SNRPD3: variants seen among roughly 807,000 people sequenced by gnomAD.
SNRPD3 encodes the protein small nuclear ribonucleoprotein Sm D3.
For missense variants in SNRPD3, 73 were observed against 167.5 expected, an observed-to-expected ratio of 0.44 and a Z score of 3.11; for synonymous variants, 66 against 58.4, an observed-to-expected ratio of 1.13 and a Z score of -0.59.
chr22:24,557,557 T>G lies in SNRPD3; in HGVS notation c.-18-100T>G, dbSNP rs1408359762. ...GAAAATGCAGCTTTGGTGTTTTTGC[T>G]AAGTTTTATGGAGTGCCAGGCCTTA... On this transcript the variant is annotated intron_variant, in intron 1 of 3. Transcript: ENST00000215829. 4 of 800,422 alleles carry G rather than the reference T, an allele frequency of 5.0e-6. No individual in the cohort carries two copies. The East Asian group carries it at 1.2e-4, about 24-fold the overall frequency. 49.6% of individuals were successfully genotyped at this position (800,422 alleles called of 1,614,324 possible).
At chr22:24,567,517 C>T (rs1053662727) in intron 2 of SNRPD3, among the ~76,000 whole-genome samples, 5 of 152,144 alleles carry the variant, frequency 3.3e-5, no homozygotes, top group African/African-American at 7.2e-5. Context: ...GAGGCTGAAG[C>T]GGGCAGATCA....
chr22:24,565,329 G>A (rs1569026234), intron 2 of SNRPD3, among the ~76,000 whole-genome samples: 1 of 152,146 alleles, frequency 6.6e-6, no homozygotes, highest in African/African-American at 2.4e-5. Flanking sequence ...GGTTTCTGGG[G>A]ACAGATCTGC....
At chr22:24,566,170 G>A (rs2045195013) in intron 2 of SNRPD3, among the ~76,000 whole-genome samples, 1 of 152,170 alleles carries the variant, frequency 6.6e-6, no homozygotes, top group South Asian at 2.1e-4. Context: ...AGAAACTGGA[G>A]CCCTGTTGCC....
chr22:24,565,240 A>G (rs2045185994), intron 2 of SNRPD3, among the ~76,000 whole-genome samples: 1 of 152,076 alleles, frequency 6.6e-6, no homozygotes, highest in Non-Finnish European at 1.5e-5. Context: ...TGTGAGTTAG[A>G]AAGAACTGGG....
rs2045265517 is a variant in SNRPD3 at position 24,573,444 on chromosome 22, A to G, written c.*1467A>G. On this transcript the variant is annotated 3_prime_UTR_variant, in exon 4 of 4. Transcript: ENST00000215829. ...AGTAATGAAAGAGGAGGGGAAAAAA[A>G]TCCAGCACATTAGTTAACCTGGCAT... 6.6e-6 allele frequency among the ~76,000 whole-genome samples: 1 copy of G among 152,240 alleles called. No individual in the cohort carries two copies. Among genetic ancestry groups the G allele is most frequent in the East Asian group, 1.9e-4 (1 of 5,204 alleles).
At chr22:24,555,998 C>T (rs2045054782), upstream of SNRPD3, 2 of 673,148 alleles carry the variant, frequency 3.0e-6, no homozygotes, top group South Asian at 1.9e-5. Context: ...TTAGGCCCGC[C>T]ATTCGCTTGA....
intron 2 of SNRPD3, chr22:24,558,214 A>G (rs944614900): frequency 2.6e-5 from 4 of 154,996 alleles, no homozygotes; most frequent in African/African-American, 9.7e-5. Context: ...TCATTTGATT[A>G]TTGCAACTAC....
chr22:24,566,357 G>A (rs1346904082), intron 2 of SNRPD3, among the ~76,000 whole-genome samples: 3 of 152,018 alleles, frequency 2.0e-5, no homozygotes, highest in African/African-American at 7.2e-5. Flanking sequence ...CTGCAGCCTC[G>A]ACCTCCCAGA....
At chr22:24,559,347 C>T (rs895059726) in intron 2 of SNRPD3, among the ~76,000 whole-genome samples, 1 of 152,150 alleles carries the variant, frequency 6.6e-6, no homozygotes, top group Non-Finnish European at 1.5e-5. Context: ...TATCATCTCT[C>T]ATATATCCAG....
intron 2 of SNRPD3, among the ~76,000 whole-genome samples, chr22:24,563,673 A>G (rs1042911301): frequency 3.9e-5 from 6 of 152,226 alleles, no homozygotes; most frequent in African/African-American, 1.4e-4. Context: ...CTTAATTCTT[A>G]GAAGTTTTGG....
intron 2 of SNRPD3, among the ~76,000 whole-genome samples, chr22:24,561,275 T>C (rs1377867897): frequency 1.3e-5 from 2 of 151,900 alleles, no homozygotes; most frequent in African/African-American, 2.4e-5. Flanking sequence ...AGTCTTGATA[T>C]GTTTTTCAGG....
At chr22:24,555,670 C>G, upstream of SNRPD3, 1 of 1,550,674 alleles carries the variant, frequency 6.4e-7, no homozygotes. Flanking sequence ...GGCCCTTGGC[C>G]CAACCTCCTG....
At chr22:24,567,930 C>A in intron 2 of SNRPD3, 54 bp from the exon 3 acceptor site, 2 of 1,426,954 alleles carry the variant, frequency 1.4e-6, no homozygotes, top group Non-Finnish European at 1.9e-6. Context: ...TCAAGGCCCT[C>A]CCCACCGCTG....
chr22:24,555,930 G>A (rs920067862), upstream of SNRPD3: 7 of 1,221,910 alleles, frequency 5.7e-6, no homozygotes, highest in East Asian at 2.6e-5. Context: ...CAACACTGGG[G>A]AAAGGAAGGA....
At chr22:24,557,313 C>T (rs2045084616) in intron 1 of SNRPD3, among the ~76,000 whole-genome samples, 1 of 152,188 alleles carries the variant, frequency 6.6e-6, no homozygotes, top group East Asian at 1.9e-4. Flanking sequence ...ACATTCCAGT[C>T]CCCCTCCCCT....
chr22:24,567,998 A>G lies in SNRPD3; in HGVS notation c.141A>G (p.Thr47=). The G allele has an allele frequency of 1.3e-6, 2 of 1,597,348 alleles. No individual in the cohort carries two copies. Among genetic ancestry groups the G allele is most frequent in the Non-Finnish European group, 1.7e-6 (2 of 1,171,320 alleles). Residue 47 remains threonine, a synonymous_variant, in exon 3 of 4, where the codon ACA becomes ACG. Coordinates refer to ENST00000215829, the MANE Select transcript of SNRPD3 (RefSeq NM_004175.5). ...DNMNCQMSNI[T]VTYRDGRVAQ... is the part of the protein sequence containing the mutation. ...TTTCCTTCCAGATGTCCAACATCACAGTCACATACAGAGATGGCCGAGTGG... is the reference window on the plus strand; with the variant it reads ...TTTCCTTCCAGATGTCCAACATCACGGTCACATACAGAGATGGCCGAGTGG...
At chr22:24,569,711 C>G (rs1266711458) in intron 3 of SNRPD3, among the ~76,000 whole-genome samples, 1 of 152,214 alleles carries the variant, frequency 6.6e-6, no homozygotes, top group Non-Finnish European at 1.5e-5. Flanking sequence ...AGCCAGGGTT[C>G]TCACGTCTCA....
At chr22:24,566,763 C>T (rs1001879958) in intron 2 of SNRPD3, among the ~76,000 whole-genome samples, 1 of 152,214 alleles carries the variant, frequency 6.6e-6, no homozygotes, top group African/African-American at 2.4e-5. Context: ...GCTGCTTTTT[C>T]TGTAAATGTG....
chr22:24,572,027 G>A lies in SNRPD3; in HGVS notation c.*50G>A, dbSNP rs976364391. The A allele has an allele frequency of 2.5e-6, 4 of 1,609,190 alleles. No homozygotes were observed. The East Asian group carries it at 9.0e-5, about 36-fold the overall frequency. ...TCCTTTTTTCTTTCAGGTTATCTGA[G>A]TTCATTGGAGTGGGTGCTTGTGCAT... On this transcript the variant is annotated 3_prime_UTR_variant, in exon 4 of 4. Transcript: ENST00000215829.
Sources: allele counts gnomAD v4.1 joint callset (sites outside exome capture counted in the v4.1 genomes callset), GRCh38; gene constraint gnomAD v4.1.1; transcripts MANE v1.5; gene names NCBI Gene and HGNC (gene_info 2026-07-23, HGNC 2026-07-21).